Variants in CEP83 observed in about 807,000 individuals in gnomAD.
The protein encoded by CEP83 is centrosomal protein 83.
CEP83 carries 70 observed loss-of-function variants against 101.9 expected under a neutral mutation model. The observed-to-expected ratio is 0.69, with a 90% CI of 0.57 to 0.84. The LOEUF (loss-of-function observed/expected upper bound fraction) is 0.84. Among genes scored for constraint, CEP83 ranks in the 40% least tolerant of loss-of-function variants. The probability of loss-of-function intolerance (pLI) is 0.00; values close to 1 mark genes in which losing one functional copy is unlikely to be tolerated. For synonymous variants in CEP83, 264 were observed against 267.9 expected, an observed-to-expected ratio of 0.99 and a Z score of 0.14; for missense variants, 715 against 787.2, an observed-to-expected ratio of 0.91 and a Z score of 1.10.
intron 8 of CEP83, among the ~76,000 whole-genome samples, chr12:94,375,047 T>C (rs1213233700): frequency 6.6e-6 from 1 of 152,160 alleles, no homozygotes; most frequent in East Asian, 1.9e-4. Flanking sequence ...GTACCTACTA[T>C]GTGCCGGCAC....
intron 11 of CEP83, among the ~76,000 whole-genome samples, chr12:94,358,276 CCA>C (rs2060574852): frequency 6.6e-6 from 1 of 152,046 alleles, no homozygotes; most frequent in African/African-American, 2.4e-5. Flanking sequence ...AGTTCTAATT[CCA>C]GAACAATTAT....
chr12:94,271,068 T>A, the CEP83 span, among the ~76,000 whole-genome samples: 13 of 152,326 alleles, frequency 8.5e-5, no homozygotes, highest in East Asian at 2.5e-3. Flanking sequence ...TGAAACTGAA[T>A]TTTCTTTCTT....
At chr12:94,275,786 C>T in the CEP83 span, among the ~76,000 whole-genome samples, 17 of 113,494 alleles carry the variant, frequency 1.5e-4, 3 homozygotes, top group Admixed American at 8.6e-4. Context: ...ACCCGGGAGG[C>T]GGAGCTTGCA....
rs535387689 is a variant in CEP83, at chr12:94,377,613, G to A, written c.801+1178C>T. Among the ~76,000 whole-genome samples the A allele has an allele frequency of 1.4e-3, 212 of 152,292 alleles. 1 individual carries two copies. Among genetic ancestry groups the A allele is most frequent in the Non-Finnish European group, 1.5e-3 (102 of 68,022 alleles). ...AAGAAAGAAATGCTTGCTGTCATACGCTTATTTTCATTTCATCTGACAAAT... is the reference window on the plus strand; with the variant it reads ...AAGAAAGAAATGCTTGCTGTCATACACTTATTTTCATTTCATCTGACAAAT... On this transcript the variant is annotated intron_variant, in intron 7 of 16. Transcript: ENST00000397809.
chr12:94,423,289 G>T (rs1006067000), intron 2 of CEP83, among the ~76,000 whole-genome samples: 1 of 151,968 alleles, frequency 6.6e-6, no homozygotes, highest in Non-Finnish European at 1.5e-5. Context: ...TCTCCATGTT[G>T]GTCAGGCTGG....
chr12:94,406,420 A>G (rs927647908), intron 4 of CEP83, among the ~76,000 whole-genome samples: 6 of 152,108 alleles, frequency 3.9e-5, no homozygotes, highest in African/African-American at 7.2e-5. Flanking sequence ...CTAACATCCA[A>G]TAAAAATTTA....
intron 14 of CEP83, among the ~76,000 whole-genome samples, chr12:94,321,002 G>T (rs751522846): frequency 4.6e-5 from 7 of 152,066 alleles, no homozygotes; most frequent in African/African-American, 7.2e-5. Context: ...ACCCTTTCAG[G>T]GATGCCAGTG....
chr12:94,315,853 A>ATG (rs1970602302), intron 14 of CEP83, among the ~76,000 whole-genome samples: 1 of 152,076 alleles, frequency 6.6e-6, no homozygotes, highest in Non-Finnish European at 1.5e-5. Flanking sequence ...TGGACTCTAT[A>ATG]CTGTTCCATT....
intron 6 of CEP83, among the ~76,000 whole-genome samples, chr12:94,383,005 T>C (rs2061936390): frequency 6.6e-6 from 1 of 152,114 alleles, no homozygotes; most frequent in African/African-American, 2.4e-5. Flanking sequence ...TTTCACCTTT[T>C]AGTTCTTTCA....
chr12:94,316,401 CTG>C (rs1970692139), intron 14 of CEP83, among the ~76,000 whole-genome samples: 1 of 152,118 alleles, frequency 6.6e-6, no homozygotes, highest in African/African-American at 2.4e-5. Context: ...ACAGTGACAT[CTG>C]TGAATAATTT....
chr12:94,408,021 T>C (rs2063653115), intron 4 of CEP83: 1 of 152,296 alleles, frequency 6.6e-6, no homozygotes, highest in Non-Finnish European at 1.5e-5. Context: ...TTTCACCATG[T>C]TGGCCAGGCT....
At chr12:94,424,287 G>A (rs1396778843) in intron 2 of CEP83, 14 of 1,614,056 alleles carry the variant, frequency 8.7e-6, no homozygotes, top group Non-Finnish European at 9.3e-6. Flanking sequence ...AATATTCCTT[G>A]GTTCTGTCGT....
At chr12:94,365,572 G>A (rs1329927108) in intron 11 of CEP83, among the ~76,000 whole-genome samples, 1 of 152,050 alleles carries the variant, frequency 6.6e-6, no homozygotes, top group African/African-American at 2.4e-5. Context: ...AAGTTTGACA[G>A]CAGCCTGGCC....
At chr12:94,455,582 T>C (rs1333518801) in intron 1 of CEP83, among the ~76,000 whole-genome samples, 2 of 152,242 alleles carry the variant, frequency 1.3e-5, no homozygotes, top group African/African-American at 2.4e-5. Flanking sequence ...GGACATTTTA[T>C]AGACATATTT....
chr12:94,306,600 T>C (rs542845120), downstream of CEP83: 13 of 152,334 alleles, frequency 8.5e-5, no homozygotes, highest in East Asian at 2.5e-3. Flanking sequence ...AGGCACCTTT[T>C]ACCCTTGGTG....
intron 9 of CEP83, chr12:94,368,874 A>G (rs1215442489): frequency 6.6e-6 from 1 of 152,350 alleles, no homozygotes; most frequent in East Asian, 1.9e-4. Context: ...CATTCATAGC[A>G]GCCAGACACG....
intron 2 of CEP83, among the ~76,000 whole-genome samples, chr12:94,420,056 A>AT (rs1235042342): frequency 1.3e-5 from 2 of 152,104 alleles, no homozygotes; most frequent in Admixed American, 6.6e-5. Context: ...CTTTTGCCCA[A>AT]TTTTTTCTAT....
intron 11 of CEP83, 73 bp downstream of exon 11, chr12:94,367,721 T>C (rs2061091376): frequency 1.1e-5 from 11 of 1,037,186 alleles, no homozygotes; most frequent in Non-Finnish European, 1.5e-5. Flanking sequence ...TTCTTTGTAC[T>C]AGTTGTACAT....
chr12:94,348,085 A>C (rs2060022329), intron 11 of CEP83, among the ~76,000 whole-genome samples: 1 of 152,120 alleles, frequency 6.6e-6, no homozygotes, highest in Non-Finnish European at 1.5e-5. Flanking sequence ...TTAAAATGGT[A>C]AATTTTATGT....
Sources: allele counts gnomAD v4.1 joint callset (sites outside exome capture counted in the v4.1 genomes callset), GRCh38; gene constraint gnomAD v4.1.1; transcripts MANE v1.5; gene names NCBI Gene and HGNC (gene_info 2026-07-23, HGNC 2026-07-21).